POLD3: variants seen among roughly 807,000 people sequenced by gnomAD.
The protein encoded by POLD3 is DNA polymerase delta subunit 3.
Under a neutral mutation model 58.2 loss-of-function variants are expected in POLD3, and 19 were observed. The ratio of observed to expected loss-of-function variants is 0.33; its 90% CI spans 0.23 to 0.48. The LOEUF (loss-of-function observed/expected upper bound fraction) is 0.48. Among genes scored for constraint, POLD3 ranks in the 20% least tolerant of loss-of-function variants. The pLI is 0.99. For synonymous variants in POLD3, 172 were observed against 193.5 expected, an observed-to-expected ratio of 0.89 and a Z score of 0.92; for missense variants, 504 against 545.5, an observed-to-expected ratio of 0.92 and a Z score of 0.76.
chr11:74,612,761 G>C, intron 4 of POLD3, 117 bp from the exon 5 acceptor site: 1 of 773,782 alleles, frequency 1.3e-6, no homozygotes, highest in South Asian at 1.8e-5. Context: ...GTGGCCTTTA[G>C]AGTTTTTTGG....
chr11:74,592,989 A>G, intron 1 of POLD3: 1 of 1,343,310 alleles, frequency 7.4e-7, no homozygotes, highest in Non-Finnish European at 9.6e-7. Flanking sequence ...GCGCGGAGGG[A>G]GGGCCGTTGG....
rs2032941767 is a variant in POLD3, at chr11:74,642,591, CT to C, written c.*1826del. On this transcript the variant is annotated 3_prime_UTR_variant, in exon 12 of 12. Transcript: ENST00000263681. ...AGGGATAATACAAATCCTATGATCT[CT>C]ATGCCCAATATGCTGCCTCAACTCT... 2.0e-6 allele frequency: 2 copies of C among 985,064 alleles called. No homozygotes were observed. Among genetic ancestry groups the C allele is most frequent in the Non-Finnish European group, 2.4e-6 (2 of 829,772 alleles). 61.0% of individuals were successfully genotyped at this position (985,064 alleles called of 1,614,324 possible).
In POLD3 at chr11:74,642,504, G is replaced by T. The variant is rs1252042676; in HGVS notation, c.*1738G>T. The T allele has an allele frequency of 1.0e-5, 10 of 984,820 alleles. No homozygotes were observed. Among genetic ancestry groups the T allele is most frequent in the Non-Finnish European group, 1.2e-5 (10 of 829,520 alleles). 61.0% of individuals were successfully genotyped at this position (984,820 alleles called of 1,614,324 possible). A position where few individuals can be genotyped will look rare whatever the true frequency, so the allele number is the denominator to read the frequency against. On this transcript the variant is annotated 3_prime_UTR_variant, in exon 12 of 12. Transcript: ENST00000263681. Reference sequence around the variant, plus strand: ...TCTTTTTTCTAAAAATTATGCTGGGGTCTCGACTAAAACTGAATTTGAATT... The same window carrying T: ...TCTTTTTTCTAAAAATTATGCTGGGTTCTCGACTAAAACTGAATTTGAATT...
intron 8 of POLD3, among the ~76,000 whole-genome samples, chr11:74,625,906 T>TGTGTGTGTGTGTG (rs1565123222): frequency 1.3e-5 from 2 of 151,506 alleles, no homozygotes; most frequent in South Asian, 2.1e-4. Context: ...TGTGTGTGTG[T>TGTGTGTGTGTGTG]TTCACTTCAA....
downstream of POLD3, among the ~76,000 whole-genome samples, chr11:74,644,570 T>C (rs2032977023): frequency 6.6e-6 from 1 of 152,316 alleles, no homozygotes; most frequent in South Asian, 2.1e-4. Context: ...TTTGTGTTCT[T>C]AGGTGCGGAC....
At chr11:74,664,340 G>A (rs987574036) in intron 4 of POLD3, among the ~76,000 whole-genome samples, 3 of 152,144 alleles carry the variant, frequency 2.0e-5, no homozygotes, top group African/African-American at 7.2e-5. Context: ...GTTCATAGCA[G>A]CTTTATTCTA....
intron 4 of POLD3, among the ~76,000 whole-genome samples, chr11:74,665,414 T>TTTTTTTA: frequency 8.1e-6 from 1 of 123,028 alleles, no homozygotes; most frequent in Non-Finnish European, 1.6e-5. Flanking sequence ...TTTTTTTTTT[T>TTTTTTTA]GAGACAGAGT....
chr11:74,632,181 T>TA (rs2135171495), intron 9 of POLD3, among the ~76,000 whole-genome samples: 1 of 152,300 alleles, frequency 6.6e-6, no homozygotes, highest in South Asian at 2.1e-4. Flanking sequence ...TAGGTATTTT[T>TA]AAAAAATAGT....
chr11:74,604,089 T>C (rs987341104), intron 2 of POLD3, among the ~76,000 whole-genome samples: 2 of 152,228 alleles, frequency 1.3e-5, no homozygotes, highest in Non-Finnish European at 2.9e-5. Flanking sequence ...ATCATAAAAT[T>C]GGAATTTCAG....
chr11:74,620,886 G>T (rs1296431515), intron 7 of POLD3, among the ~76,000 whole-genome samples: 2 of 150,998 alleles, frequency 1.3e-5, no homozygotes, highest in African/African-American at 4.9e-5. Context: ...GCCTTTCCAT[G>T]ATGGCTAAAT....
intron 1 of POLD3, chr11:74,593,165 G>C (rs2031097871): frequency 2.2e-6 from 1 of 451,618 alleles, no homozygotes; most frequent in African/African-American, 2.1e-5. Context: ...ATAGAGGTTT[G>C]ATCCGCTTCA....
At chr11:74,594,022 C>T (rs377752021) in intron 1 of POLD3, 39 bp from the exon 2 acceptor site, 504 of 1,085,308 alleles carry the variant, frequency 4.6e-4, no homozygotes, top group Middle Eastern at 1.4e-3. Flanking sequence ...ACTCTGGAGT[C>T]ATCTAATAAA....
chr11:74,638,705 C>G (rs1401890834), intron 11 of POLD3: 1 of 454,642 alleles, frequency 2.2e-6, no homozygotes, highest in Non-Finnish European at 4.4e-6. Flanking sequence ...CTCTAATTAT[C>G]TTAGAGCAAC....
At chr11:74,651,347 A>T (rs369724406) in intron 4 of POLD3, among the ~76,000 whole-genome samples, 3 of 152,318 alleles carry the variant, frequency 2.0e-5, no homozygotes, top group African/African-American at 7.2e-5. Context: ...TTAGTTCTCT[A>T]TCCCTGATGC....
Position 74,642,162 on chromosome 11 carries a change from C to G in POLD3, c.*1396C>G, listed in dbSNP as rs2032930480. The G allele has an allele frequency of 1.0e-6, 1 of 985,268 alleles. No individual in the cohort carries two copies. Among genetic ancestry groups the G allele is most frequent in the African/African-American group, 1.7e-5 (1 of 57,212 alleles). The allele number at this position is 985,268 out of a possible 1,614,324, so 61.0% of individuals were successfully genotyped here. ...TCTGCTTTTTAAGGTTGGGATTGTG[C>G]TGACTTTGGGATTAACATGAGCTTC... On this transcript the variant is annotated 3_prime_UTR_variant, in exon 12 of 12. Transcript: ENST00000263681.
intron 4 of POLD3, among the ~76,000 whole-genome samples, chr11:74,661,898 G>A (rs563654208): frequency 1.3e-5 from 2 of 152,282 alleles, no homozygotes; most frequent in East Asian, 1.9e-4. Flanking sequence ...CTCATGCTAC[G>A]AGACAAAGTC....
At chr11:74,599,672 T>G (rs2031413986) in intron 2 of POLD3, among the ~76,000 whole-genome samples, 1 of 151,960 alleles carries the variant, frequency 6.6e-6, no homozygotes, top group Non-Finnish European at 1.5e-5. Flanking sequence ...TCATACTGTT[T>G]TTTTTTAGCA....
chr11:74,636,307 A>G, intron 11 of POLD3, 32 bp downstream of exon 11: 2 of 1,606,964 alleles, frequency 1.2e-6, no homozygotes, highest in Non-Finnish European at 1.7e-6. Flanking sequence ...AAATCCAGAG[A>G]TAGAATCTCT....
chr11:74,606,989 T>G (rs2031698708), intron 3 of POLD3, among the ~76,000 whole-genome samples: 1 of 152,070 alleles, frequency 6.6e-6, no homozygotes, highest in South Asian at 2.1e-4. Flanking sequence ...TTCAGAGCCC[T>G]GGACCTGCCC....
Sources: allele counts gnomAD v4.1 joint callset (sites outside exome capture counted in the v4.1 genomes callset), GRCh38; gene constraint gnomAD v4.1.1; transcripts MANE v1.5; gene names NCBI Gene and HGNC (gene_info 2026-07-23, HGNC 2026-07-21).